PELP1: variants seen among roughly 807,000 people sequenced by gnomAD.
PELP1 encodes proline, glutamate and leucine rich protein 1.
A neutral mutation model predicts 95.5 loss-of-function variants in PELP1; 32 were observed. The ratio of observed to expected loss-of-function variants is 0.34; its 90% CI spans 0.25 to 0.45. The LOEUF (loss-of-function observed/expected upper bound fraction) is 0.45, where lower values mean the gene tolerates loss of function less well. Ranked by LOEUF, PELP1 falls within the 20% of genes least tolerant of loss-of-function variation. The pLI, the probability that PELP1 is intolerant of heterozygous loss-of-function variation, is 1.00. For synonymous variants in PELP1, 668 were observed against 600.1 expected, an observed-to-expected ratio of 1.11 and a Z score of -1.65; for missense variants, 1,358 against 1,444.8, an observed-to-expected ratio of 0.94 and a Z score of 0.97.
In PELP1 at chr17:4,674,857, C is replaced by T. The variant is rs757289968; in HGVS notation, c.1374G>A (p.Leu458=). Residue 458 remains leucine (L), a synonymous_variant, in exon 12 of 17, where the codon CTG becomes CTA. Coordinates refer to ENST00000572293, the MANE Select transcript of PELP1 (RefSeq NM_014389.3). ...MLQGGASGEA[L]LTHLLSDISP... is the part of the protein sequence containing the mutation. ...AGATGTCGCTGAGCAGGTGGGTGAG[C>T]AGGGCCTCTCCAGAGGCTCCTCCCT... 1.8e-4 allele frequency: 291 copies of T among 1,613,500 alleles called. No individual in the cohort carries two copies. In the East Asian group the frequency reaches 5.2e-3, roughly 29 times the overall value.
chr17:4,686,390 C>A (rs934441553), intron 3 of PELP1, among the ~76,000 whole-genome samples: 2 of 152,202 alleles, frequency 1.3e-5, no homozygotes, highest in East Asian at 3.8e-4. Context: ...AGTTCTACTG[C>A]CACAACCCTA....
intron 1 of PELP1, among the ~76,000 whole-genome samples, chr17:4,703,553 T>A (rs1360837860): frequency 1.3e-5 from 2 of 152,182 alleles, no homozygotes; most frequent in Non-Finnish European, 2.9e-5. Context: ...AAACAGATAT[T>A]GCCAGAGGAA....
intron 5 of PELP1, among the ~76,000 whole-genome samples, chr17:4,678,554 C>T (rs190959832): frequency 4.6e-5 from 7 of 152,322 alleles, no homozygotes; most frequent in South Asian, 2.1e-4. Flanking sequence ...TGAAGCGACA[C>T]GGCTCTAACC....
rs1342403548 is a variant in PELP1, at chr17:4,676,330, C to T, written c.853+27G>A. The T allele has an allele frequency of 3.7e-6, 6 of 1,608,548 alleles. No individual in the cohort carries two copies. The Admixed American group carries it at 8.4e-5, about 23-fold the overall frequency. ...CCTGCCACGCTTCCTCACTATTGTT[C>T]CACTAACTAGCAGCCCTGGTCCCTA... On this transcript the variant is annotated intron_variant, in intron 7 of 16. Transcript: ENST00000572293.
rs758092652 is a variant in PELP1 at position 4,703,964 on chromosome 17, C to T, written c.148G>A (p.Gly50Arg). 2 of 1,613,614 alleles carry T rather than the reference C, an allele frequency of 1.2e-6. No individual in the cohort carries two copies. The highest frequency in any genetic ancestry group is 1.7e-5 in the Admixed American group (1 of 60,032). The change falls in exon 1 of 17, where the codon GGG becomes AGG. Residue 50 changes from glycine (G) to arginine (R), a missense_variant. Gly to Arg is a moderately radical substitution (Grantham distance 125). Coordinates refer to ENST00000572293, the MANE Select transcript of PELP1 (RefSeq NM_014389.3). ...GGATGCACCGGAGCAACGGCAGACC[C>T]CGTTCGAGGTTGCAGCAAACCAGAA... Reference protein sequence around the residue: ...SVSGLLQPRTGSAVAPVHPPN... With the variant: ...SVSGLLQPRTRSAVAPVHPPN...
intron 1 of PELP1, among the ~76,000 whole-genome samples, chr17:4,693,195 C>A (rs1218568756): frequency 6.6e-6 from 1 of 152,128 alleles, no homozygotes; most frequent in African/African-American, 2.4e-5. Flanking sequence ...CGTATATACC[C>A]AAGAGAAATG....
At chr17:4,698,943 T>C (rs1913413048) in intron 1 of PELP1, among the ~76,000 whole-genome samples, 1 of 152,194 alleles carries the variant, frequency 6.6e-6, no homozygotes, top group African/African-American at 2.4e-5. Context: ...TACTCCTAAA[T>C]GGACCCAGAA....
intron 3 of PELP1, among the ~76,000 whole-genome samples, chr17:4,689,436 A>G (rs73334432): frequency 9.3e-4 from 141 of 152,344 alleles, no homozygotes; most frequent in African/African-American, 3.2e-3. Flanking sequence ...ACAAAGAACT[A>G]ACATCCAGAA....
At chr17:4,700,185 G>A (rs867929141) in intron 1 of PELP1, among the ~76,000 whole-genome samples, 9 of 152,054 alleles carry the variant, frequency 5.9e-5, no homozygotes, top group African/African-American at 2.2e-4. Context: ...GATTACAGGC[G>A]TGAGCCATCA....
chr17:4,672,594 T>C lies in PELP1; in HGVS notation c.2397A>G (p.Pro799=). 2 of 364,540 alleles carry C rather than the reference T, an allele frequency of 5.5e-6. No individual in the cohort carries two copies. The highest frequency in any genetic ancestry group is 7.7e-6 in the Non-Finnish European group (2 of 260,324). 22.6% of individuals were successfully genotyped at this position (364,540 alleles called of 1,614,324 possible). A position where few individuals can be genotyped will look rare whatever the true frequency, so the allele number is the denominator to read the frequency against. ...GTGTGGCACCTGAGGGTGGTGGGGG[T>C]GGCAGGGGGGGAAGCCCCTCGGGCA... ...VIVPEGLPPL[P]PPPPSGATPP... Residue 799 remains proline (P), a synonymous_variant, in exon 16 of 17, where the codon CCA becomes CCG. Transcript: ENST00000572293.
Position 4,673,784 on chromosome 17 carries a change from G to T in PELP1, c.1583-110C>A. The T allele has an allele frequency of 2.3e-6, 2 of 878,402 alleles. No individual in the cohort carries two copies. Among genetic ancestry groups the T allele is most frequent in the Non-Finnish European group, 3.9e-6 (2 of 513,396 alleles). 54.4% of individuals were successfully genotyped at this position (878,402 alleles called of 1,614,324 possible). A position where few individuals can be genotyped will look rare whatever the true frequency, so the allele number is the denominator to read the frequency against. On this transcript the variant is annotated intron_variant, in intron 13 of 16. Coordinates refer to ENST00000572293, the MANE Select transcript of PELP1 (RefSeq NM_014389.3). The surrounding 1 kb of genome is among the most constrained non-coding windows in gnomAD (Gnocchi z 5.7). ...ATCAACTCTGCCACTGCCTATCTTG[G>T]CCAAGTCATTTAACTTCTCAACTAG...
At chr17:4,698,838 T>C (rs550288475) in intron 1 of PELP1, among the ~76,000 whole-genome samples, 6 of 152,264 alleles carry the variant, frequency 3.9e-5, no homozygotes, top group African/African-American at 1.4e-4. Flanking sequence ...AATTCTCTGA[T>C]CATGATGATA....
chr17:4,681,984 C>T (rs2150557632), intron 5 of PELP1, among the ~76,000 whole-genome samples: 1 of 151,866 alleles, frequency 6.6e-6, no homozygotes, highest in Admixed American at 6.6e-5. Flanking sequence ...GGTAACATGG[C>T]GAGACCCCCC....
intron 3 of PELP1, among the ~76,000 whole-genome samples, chr17:4,683,289 C>T (rs1388303735): frequency 4.7e-4 from 70 of 150,466 alleles, no homozygotes; most frequent in Non-Finnish European, 1.8e-4. Context: ...GGCGCGATCT[C>T]GGCTCACTGC....
chr17:4,691,175 C>T (rs2150562789), intron 2 of PELP1, 182 bp from the exon 3 acceptor site: 1 of 645,360 alleles, frequency 1.5e-6, no homozygotes, highest in Admixed American at 2.8e-5. Context: ...AGAGGTAATC[C>T]CAGGGTGGAA....
chr17:4,692,466 CA>C (rs11321605), intron 1 of PELP1, among the ~76,000 whole-genome samples: 143,951 of 147,920 alleles, frequency 0.97, 70,083 homozygotes, highest in East Asian at 1. Context: ...GACTCTGTCT[CA>C]AAAAAAAAAA....
At chr17:4,676,227 G>T in intron 7 of PELP1, 65 bp from the exon 8 acceptor site, 1 of 1,595,960 alleles carries the variant, frequency 6.3e-7, no homozygotes, top group Non-Finnish European at 8.6e-7. Context: ...CATTTCTGGT[G>T]GACGACCTGC....
At position 4,691,011 on chromosome 17, in the gene PELP1, A is replaced by G. The variant is rs761341392; in HGVS notation, c.315-18T>C. On this transcript the variant is annotated intron_variant, in intron 2 of 16. Transcript: ENST00000572293. ...CCTCAAACCTTCAAAGAAAGAAGAG[A>G]GTCATGTTAAGTGGGCGGAGGCTAG... The G allele has an allele frequency of 3.9e-6, 6 of 1,548,384 alleles. No homozygotes were observed. The highest frequency in any genetic ancestry group is 5.4e-6 in the Non-Finnish European group (6 of 1,120,288).
At chr17:4,700,408 G>A (rs1597459591) in intron 1 of PELP1, among the ~76,000 whole-genome samples, 1 of 152,196 alleles carries the variant, frequency 6.6e-6, no homozygotes, top group Middle Eastern at 3.4e-3. Flanking sequence ...ACTTTGGGAG[G>A]TCGAGTGGGG....
Sources: allele counts gnomAD v4.1 joint callset (sites outside exome capture counted in the v4.1 genomes callset), GRCh38; gene constraint gnomAD v4.1.1; non-coding constraint Gnocchi (gnomAD v3.1); transcripts MANE v1.5; gene names NCBI Gene and HGNC (gene_info 2026-07-23, HGNC 2026-07-21).